Variants in HOXB8 observed in about 807,000 individuals in gnomAD.
HOXB8 encodes the protein homeobox B8.
HOXB8 carries 17 observed loss-of-function variants against 22.2 expected under a neutral mutation model. That is an observed-to-expected ratio of 0.77 (90% CI 0.53 to 1.15). The LOEUF is 1.15. Ranked by LOEUF, HOXB8 falls within the 50% of genes most tolerant of loss-of-function variation. HOXB8 has a pLI of 0.00. For missense variants in HOXB8, 287 were observed against 323.8 expected (o/e 0.89, Z 0.87); for synonymous variants, 156 against 144.6 (o/e 1.08, Z -0.57).
chr17:48,613,082 G>T lies in HOXB8; in HGVS notation c.*120C>A. On this transcript the variant is annotated 3_prime_UTR_variant, in exon 2 of 2. Coordinates refer to ENST00000239144, the MANE Select transcript of HOXB8 (RefSeq NM_024016.4). The stretch of plus-strand genomic sequence containing the variant: ...GCGGCGGGGGACGCTGCGGTGGGAG[G>T]CCCGGCTCCTGGCCCCGCTAGCGGG... The T allele has an allele frequency of 3.9e-6, 2 of 510,318 alleles. No individual in the cohort carries two copies. The highest frequency in any genetic ancestry group is 5.5e-6 in the Non-Finnish European group (2 of 363,298). The allele number at this position is 510,318 out of a possible 1,614,324, so 31.6% of individuals were successfully genotyped here. A position where few individuals can be genotyped will look rare whatever the true frequency, so the allele number is the denominator to read the frequency against.
Position 48,614,883 on chromosome 17 carries a change from A to G in HOXB8, c.-179T>C. The G allele has an allele frequency of 1.8e-6, 1 of 551,862 alleles. No homozygotes were observed. The highest frequency in any genetic ancestry group is 3.1e-6 in the Non-Finnish European group (1 of 320,658). 34.2% of individuals were successfully genotyped at this position (551,862 alleles called of 1,614,324 possible). The stretch of plus-strand genomic sequence containing the variant: ...GAGGGAAAAAAAGAAAAGAAAGAAA[A>G]GGCGAAGAAGATCTCGAAGCCGACA... On this transcript the variant is annotated 5_prime_UTR_variant, in exon 1 of 2. Transcript: ENST00000239144. The surrounding 1 kb of genome is among the most constrained non-coding windows in gnomAD (Gnocchi z 4.1).
Position 48,613,124 on chromosome 17 carries a change from G to A in HOXB8, c.*78C>T. The A allele has an allele frequency of 9.6e-7, 1 of 1,046,272 alleles. No individual in the cohort carries two copies. The highest frequency in any genetic ancestry group is 1.2e-6 in the Non-Finnish European group (1 of 837,032). 64.8% of individuals were successfully genotyped at this position (1,046,272 alleles called of 1,614,324 possible). On this transcript the variant is annotated 3_prime_UTR_variant, in exon 2 of 2. Coordinates refer to ENST00000239144, the MANE Select transcript of HOXB8 (RefSeq NM_024016.4). ...GCTAGCGGGGCCAGAGCTCTCTCGG[G>A]CAGGGGCGCGCGGCGGCGGCGCGGC...
Position 48,613,384 on chromosome 17 carries a change from C to A in HOXB8, c.550G>T (p.Gly184Ter). The A allele has an allele frequency of 6.2e-7, 1 of 1,614,000 alleles. No homozygotes were observed. Among genetic ancestry groups the A allele is most frequent in the Non-Finnish European group, 8.5e-7 (1 of 1,179,992 alleles). ...ATTTTGACCTGTCTCTCTGTCAGTC[C>A]CAGGGCGTGCGATACCTCGATTCGC... is the stretch of plus-strand genomic sequence containing the variant. Reference protein sequence around the residue: ...KRRIEVSHALGLTERQVKIWF... With the variant: ...KRRIEVSHAL The change falls in exon 2 of 2, where the codon GGA (glycine) becomes TGA (stop). Residue 184 changes from glycine (G) to a stop codon, truncating the protein, a stop_gained. Transcript: ENST00000239144. LOFTEE classifies it high-confidence loss of function.
At position 48,614,227 on chromosome 17, in the gene HOXB8, G is replaced by A; in HGVS notation, c.424+54C>T. 7.0e-7 allele frequency: 1 copy of A among 1,428,494 alleles called. No individual in the cohort carries two copies. The highest frequency in any genetic ancestry group is 9.1e-7 in the Non-Finnish European group (1 of 1,094,698). 88.5% of individuals were successfully genotyped at this position (1,428,494 alleles called of 1,614,324 possible). On this transcript the variant is annotated intron_variant, in intron 1 of 1. Coordinates refer to ENST00000239144, the MANE Select transcript of HOXB8 (RefSeq NM_024016.4). The surrounding 1 kb of genome is among the most constrained non-coding windows in gnomAD (Gnocchi z 4.1). ...GAGGAAATGCGCCCCGGCCTGCCAG[G>A]CCTTGGGCCCTTCCGGCCCCCTCCT...
At position 48,614,525 on chromosome 17, in the gene HOXB8, C is replaced by T; in HGVS notation, c.180G>A (p.Gly60=). ...AGGGAGCCGTGGACAGCGACGACGG[C>T]CCGTGGTAGAACTCCTGGATTTGCG... ...HPSQIQEFYH[G]PSSLSTAPYQ... The change falls in exon 1 of 2, where the codon GGG becomes GGA. Residue 60 remains glycine (G), a synonymous_variant. Transcript: ENST00000239144. The surrounding 1 kb of genome is among the most constrained non-coding windows in gnomAD (Gnocchi z 4.1). 1 of 1,613,848 alleles carries T rather than the reference C, an allele frequency of 6.2e-7. No individual in the cohort carries two copies. Among genetic ancestry groups the T allele is most frequent in the African/African-American group, 1.3e-5 (1 of 75,012 alleles).
Position 48,614,446 on chromosome 17 carries a change from C to G in HOXB8, c.259G>C (p.Gly87Arg). Residue 87 changes from glycine (G) to arginine (R), a missense_variant, in exon 1 of 2, where the codon GGC (glycine) becomes CGC (arginine). By Grantham distance (125) the Gly-to-Arg change is moderately radical. Coordinates refer to ENST00000239144, the MANE Select transcript of HOXB8 (RefSeq NM_024016.4). This position sits in a 1 kb window ranked among gnomAD's most constrained non-coding sequence, Gnocchi z 4.1. The part of the protein sequence containing the change: ...ACHGDPGNFY[G>R]YDPLQRQSLF... ...CTCTGGCGTTGCAGCGGGTCGTAGCCGTAGAAATTGCCGGGGTCCCCGTGG... is the reference window on the plus strand; with the variant it reads ...CTCTGGCGTTGCAGCGGGTCGTAGCGGTAGAAATTGCCGGGGTCCCCGTGG... 6.2e-7 allele frequency: 1 copy of G among 1,613,968 alleles called. No individual in the cohort carries two copies. Among genetic ancestry groups the G allele is most frequent in the Non-Finnish European group, 8.5e-7 (1 of 1,179,924 alleles).
rs1003942953 is a variant in HOXB8 at position 48,612,616 on chromosome 17, G to C, written c.*586C>G. On this transcript the variant is annotated 3_prime_UTR_variant, in exon 2 of 2. Coordinates refer to ENST00000239144, the MANE Select transcript of HOXB8 (RefSeq NM_024016.4). ...AAAGGGGGTGGGTGGAGGAGGAAAA[G>C]AGAGAAGCCAGAGAGAAAGCCAGCG... 5 of 152,696 alleles carry C rather than the reference G, an allele frequency of 3.3e-5. No homozygotes were observed. The highest frequency in any genetic ancestry group is 9.7e-5 in the African/African-American group (4 of 41,428). 9.5% of individuals were successfully genotyped at this position (152,696 alleles called of 1,614,324 possible).
rs2070663238 is a variant in HOXB8 at position 48,612,548 on chromosome 17, A to G, written c.*654T>C. The G allele has an allele frequency of 6.6e-6, 1 of 152,662 alleles. No individual in the cohort carries two copies. The highest frequency in any genetic ancestry group is 1.5e-5 in the Non-Finnish European group (1 of 68,072). The allele number at this position is 152,662 out of a possible 1,614,324, so 9.5% of individuals were successfully genotyped here. A position where few individuals can be genotyped will look rare whatever the true frequency, so the allele number is the denominator to read the frequency against. ...TGCCCACAGCGCGCATGCTAACTAA[A>G]GTAACCTCTTTTGAGAAACACTTAA... On this transcript the variant is annotated 3_prime_UTR_variant, in exon 2 of 2. Coordinates refer to ENST00000239144, the MANE Select transcript of HOXB8 (RefSeq NM_024016.4).
Position 48,613,112 on chromosome 17 carries a change from G to T in HOXB8, c.*90C>A. On this transcript the variant is annotated 3_prime_UTR_variant, in exon 2 of 2. Transcript: ENST00000239144. ...GCTCCTGGCCCCGCTAGCGGGGCCA[G>T]AGCTCTCTCGGGCAGGGGCGCGCGG... 1.1e-6 allele frequency: 1 copy of T among 921,664 alleles called. No homozygotes were observed. Among genetic ancestry groups the T allele is most frequent in the Non-Finnish European group, 1.4e-6 (1 of 728,940 alleles). The allele number at this position is 921,664 out of a possible 1,614,324, so 57.1% of individuals were successfully genotyped here.
At chr17:48,613,858 G>A (rs550650246) in intron 1 of HOXB8, among the ~76,000 whole-genome samples, 2 of 152,218 alleles carry the variant, frequency 1.3e-5, no homozygotes, top group South Asian at 4.1e-4. Flanking sequence ...TAAAAAAGCC[G>A]GGTGGGGACG....
At position 48,613,485 on chromosome 17, in the gene HOXB8, C is replaced by A. The variant is rs1691317145; in HGVS notation, c.449G>T (p.Arg150Leu). 1 of 1,358,722 alleles carries A rather than the reference C, an allele frequency of 7.4e-7. No homozygotes were observed. The highest frequency in any genetic ancestry group is 9.8e-7 in the Non-Finnish European group (1 of 1,017,780). The allele number at this position is 1,358,722 out of a possible 1,614,324, so 84.2% of individuals were successfully genotyped here. A position where few individuals can be genotyped will look rare whatever the true frequency, so the allele number is the denominator to read the frequency against. Residue 150 changes from arginine to leucine, a missense_variant, in exon 2 of 2, where the codon CGA becomes CTA. Arg to Leu is a moderately radical substitution (Grantham distance 102, BLOSUM62 -2). Around this residue, in one of 3 missense-constraint regions of HOXB8, gnomAD observed 229 missense variants for 239.8 expected, o/e 0.95. Transcript: ENST00000239144. ...PQAAAGRRRGRQTYSRYQTLE... is the reference protein window; with the variant it reads ...PQAAAGRRRGLQTYSRYQTLE... ...GGTCTGGTAGCGGCTGTAGGTCTGT[C>A]GGCCTCGCCTGCGTCCGGCGGCTGC...
chr17:48,612,791 G>C lies in HOXB8; in HGVS notation c.*411C>G. 1 of 152,620 alleles carries C rather than the reference G, an allele frequency of 6.6e-6. No homozygotes were observed. Among genetic ancestry groups the C allele is most frequent in the East Asian group, 1.9e-4 (1 of 5,174 alleles). The allele number at this position is 152,620 out of a possible 1,614,324, so 9.5% of individuals were successfully genotyped here. ...TGAATAGGCAGTTTCATGTTGTTGG[G>C]AGAACTTAGCAGAAATCGGTACCTT... On this transcript the variant is annotated 3_prime_UTR_variant, in exon 2 of 2. Coordinates refer to ENST00000239144, the MANE Select transcript of HOXB8 (RefSeq NM_024016.4).
rs1160722924 is a variant in HOXB8, at chr17:48,614,405, C to T, written c.300G>A (p.Gln100=). ...PLQRQSLFGA[Q]DPDLVQYADC... is the part of the protein sequence containing the mutation. ...CTGCGTACTGCACCAGGTCTGGATC[C>T]TGCGCACCGAATAGGCTCTGGCGTT... Residue 100 remains glutamine (Q), a synonymous_variant, in exon 1 of 2, where the codon CAG becomes CAA. Transcript: ENST00000239144. This position sits in a 1 kb window ranked among gnomAD's most constrained non-coding sequence, Gnocchi z 4.1. The T allele has an allele frequency of 2.5e-6, 4 of 1,613,480 alleles. No homozygotes were observed. The highest frequency in any genetic ancestry group is 3.4e-6 in the Non-Finnish European group (4 of 1,179,912).
Position 48,613,677 on chromosome 17 carries a change from G to A in HOXB8, c.425-168C>T, listed in dbSNP as rs190262432. ...GGGGGGCGCAAGAAGGCCGCGGTCGGCGGAGGAGGAGGGGCGAGGGGGATT... is the reference window on the plus strand; with the variant it reads ...GGGGGGCGCAAGAAGGCCGCGGTCGACGGAGGAGGAGGGGCGAGGGGGATT... On this transcript the variant is annotated intron_variant, in intron 1 of 1. Transcript: ENST00000239144. Among the ~76,000 whole-genome samples, 1,518 of 152,048 alleles carry A rather than the reference G, an allele frequency of 1.0e-2. 35 individuals are homozygous for A. Among genetic ancestry groups the A allele is most frequent in the East Asian group, 0.067 (346 of 5,130 alleles).
In HOXB8 at chr17:48,614,820, C is replaced by T. The variant is rs1460065142; in HGVS notation, c.-116G>A. 8 of 787,254 alleles carry T rather than the reference C, an allele frequency of 1.0e-5. No individual in the cohort carries two copies. Among genetic ancestry groups the T allele is most frequent in the South Asian group, 8.1e-5 (4 of 49,278 alleles). The allele number at this position is 787,254 out of a possible 1,614,324, so 48.8% of individuals were successfully genotyped here. On this transcript the variant is annotated 5_prime_UTR_variant, in exon 1 of 2. Coordinates refer to ENST00000239144, the MANE Select transcript of HOXB8 (RefSeq NM_024016.4). The surrounding 1 kb of genome is among the most constrained non-coding windows in gnomAD (Gnocchi z 4.1). Reference sequence around the variant, plus strand: ...AGAAAAAAACGCGGATTCGCCGGCTCCTAGTCACCCTCGCCAGGAAAGGAG... The same window carrying T: ...AGAAAAAAACGCGGATTCGCCGGCTTCTAGTCACCCTCGCCAGGAAAGGAG...
Position 48,614,347 on chromosome 17 carries a change from C to A in HOXB8, c.358G>T (p.Glu120Ter). 1 of 1,601,514 alleles carries A rather than the reference C, an allele frequency of 6.2e-7. No homozygotes were observed. Residue 120 changes from glutamate (E) to a stop codon, truncating the protein, a stop_gained, in exon 1 of 2, where the codon GAG becomes TAG. Transcript: ENST00000239144. LOFTEE classifies it high-confidence loss of function. This position sits in a 1 kb window ranked among gnomAD's most constrained non-coding sequence, Gnocchi z 4.1. ...CTCTGCTCGGAGCCCTCGGCCTCCTCGCCCAGGCCGCTGGCGGCGGCAAGC... is the reference window on the plus strand; with the variant it reads ...CTCTGCTCGGAGCCCTCGGCCTCCTAGCCCAGGCCGCTGGCGGCGGCAAGC... ...CKLAAASGLG[E>*]EAEGSEQSPS...
At position 48,614,342 on chromosome 17, in the gene HOXB8, C is replaced by T. The variant is rs775821122; in HGVS notation, c.363G>A (p.Glu121=). ...KLAAASGLGE[E]AEGSEQSPSP... is the part of the protein sequence containing the mutation. ...ACGGGCTCTGCTCGGAGCCCTCGGC[C>T]TCCTCGCCCAGGCCGCTGGCGGCGG... Residue 121 remains glutamate, a synonymous_variant, in exon 1 of 2, where the codon GAG becomes GAA. Transcript: ENST00000239144. The surrounding 1 kb of genome is among the most constrained non-coding windows in gnomAD (Gnocchi z 4.1). 12 of 1,597,558 alleles carry T rather than the reference C, an allele frequency of 7.5e-6. No homozygotes were observed. Among genetic ancestry groups the T allele is most frequent in the South Asian group, 1.1e-5 (1 of 90,038 alleles).
rs551768287 is a variant in HOXB8 at position 48,612,502 on chromosome 17, C to A, written c.*700G>T. On this transcript the variant is annotated 3_prime_UTR_variant, in exon 2 of 2. Transcript: ENST00000239144. The stretch of plus-strand genomic sequence containing the variant: ...CAGAATACATTCTCTTCACAGTAAA[C>A]CTAAGAACACTTGTAACAATTGCCC... 6.7e-6 allele frequency: 1 copy of A among 148,322 alleles called. No homozygotes were observed. The highest frequency in any genetic ancestry group is 2.1e-4 in the East Asian group (1 of 4,708). The allele number at this position is 148,322 out of a possible 1,614,324, so 9.2% of individuals were successfully genotyped here. A position where few individuals can be genotyped will look rare whatever the true frequency, so the allele number is the denominator to read the frequency against.
rs1475034925 is a variant in HOXB8 at position 48,612,874 on chromosome 17, T to TA, written c.*327_*328insT. On this transcript the variant is annotated 3_prime_UTR_variant, in exon 2 of 2. Coordinates refer to ENST00000239144, the MANE Select transcript of HOXB8 (RefSeq NM_024016.4). ...AAAAGACAATTGCACAAGGAGGCTT[T>TA]TTACACGGGGAGGGGAGGGGCATGG... is the stretch of plus-strand genomic sequence containing the variant. The TA allele has an allele frequency of 6.2e-6, 1 of 161,668 alleles. No individual in the cohort carries two copies. Among genetic ancestry groups the TA allele is most frequent in the Non-Finnish European group, 1.3e-5 (1 of 74,576 alleles). The allele number at this position is 161,668 out of a possible 1,614,324, so 10.0% of individuals were successfully genotyped here. A position where few individuals can be genotyped will look rare whatever the true frequency, so the allele number is the denominator to read the frequency against.
Sources: gnomAD v4.1 joint callset for allele counts (sites outside exome capture counted in the v4.1 genomes callset) on GRCh38, gnomAD v4.1.1 for gene constraint, gnomAD v4.1.1 regional missense constraint, Gnocchi (gnomAD v3.1) non-coding constraint, MANE v1.5 for transcripts, NCBI Gene and HGNC (gene_info 2026-07-23, HGNC 2026-07-21) for gene names.